DNAH14: variants seen among roughly 807,000 people sequenced by gnomAD.
DNAH14 encodes the protein dynein axonemal heavy chain 14.
DNAH14 carries 478 observed loss-of-function variants against 520.9 expected under a neutral mutation model. The ratio of observed to expected loss-of-function variants is 0.92; its 90% confidence interval spans 0.85 to 0.99. The LOEUF is 0.99. DNAH14 is among the 50% of genes least tolerant of loss of function. The pLI is 0.00. For synonymous variants in DNAH14, 1,581 were observed against 1,757.2 expected (o/e 0.90, Z 2.51); for missense variants, 4,831 against 5,234.5 (o/e 0.92, Z 2.38).
chr1:225,277,543 A>G (rs1426902445), intron 54 of DNAH14, 41 bp downstream of exon 54: 3 of 463,440 alleles, frequency 6.5e-6, no homozygotes, highest in Non-Finnish European at 4.5e-6. Flanking sequence ...AGTTTACAAA[A>G]TAAAATAAAT....
At chr1:225,216,499 T>C (rs1268817475) in intron 41 of DNAH14, among the ~76,000 whole-genome samples, 1 of 152,188 alleles carries the variant, frequency 6.6e-6, no homozygotes, top group Non-Finnish European at 1.5e-5. Context: ...TTTTCCACCT[T>C]GGTTCCATTC....
At chr1:224,949,096 TG>T (rs2060013977) in intron 1 of DNAH14, among the ~76,000 whole-genome samples, 1 of 152,310 alleles carries the variant, frequency 6.6e-6, no homozygotes, top group African/African-American at 2.4e-5. Context: ...TGTCTTTATC[TG>T]GTTAAAAAAA....
chr1:225,163,824 A>G (rs1847907), intron 35 of DNAH14, among the ~76,000 whole-genome samples: 19,443 of 151,898 alleles, frequency 0.13, 1,397 homozygotes, highest in East Asian at 0.31. Flanking sequence ...TCTTTTTTTG[A>G]TGTGTCTTTG....
chr1:225,283,128 A>G (rs2093662249), intron 54 of DNAH14, among the ~76,000 whole-genome samples: 3 of 151,980 alleles, frequency 2.0e-5, no homozygotes, highest in Non-Finnish European at 4.4e-5. Flanking sequence ...ACACAAAAGA[A>G]TGGAGAAACA....
At position 225,319,369 on chromosome 1, in the gene DNAH14, A is replaced by T. The variant is rs1293784883; in HGVS notation, c.9335+692A>T. ...TTTTTAGCTTGAGCTCCCCAACTCA[A>T]CAAACAATGGGAACCTACCTATAAC... On this transcript the variant is annotated intron_variant, in intron 61 of 85. Coordinates refer to ENST00000682510, the MANE Select transcript of DNAH14 (RefSeq NM_001367479.1). 2.6e-5 allele frequency among the ~76,000 whole-genome samples: 4 copies of T among 152,234 alleles called. No homozygotes were observed. In the East Asian group the frequency reaches 7.7e-4, roughly 29 times the overall value.
At chr1:225,158,769 G>A (rs538379270) in intron 34 of DNAH14, among the ~76,000 whole-genome samples, 1 of 152,326 alleles carries the variant, frequency 6.6e-6, no homozygotes, top group South Asian at 2.1e-4. Flanking sequence ...GAGGGTGACA[G>A]CAGTGGCAGT....
intron 17 of DNAH14, among the ~76,000 whole-genome samples, chr1:225,071,343 C>T (rs971908517): frequency 1.3e-5 from 2 of 152,122 alleles, no homozygotes; most frequent in Non-Finnish European, 2.9e-5. Context: ...TATATTAATG[C>T]TTCCTTTAGG....
At chr1:225,118,090 GC>G (rs1559013121) in intron 25 of DNAH14, 91 bp downstream of exon 25, 1 of 980,104 alleles carries the variant, frequency 1.0e-6, no homozygotes, top group Admixed American at 2.0e-5. Context: ...ATAAAAGTGC[GC>G]TAAGCAAACT....
At chr1:224,950,045 A>G (rs1334496907) in intron 1 of DNAH14, among the ~76,000 whole-genome samples, 1 of 152,140 alleles carries the variant, frequency 6.6e-6, no homozygotes, top group African/African-American at 2.4e-5. Flanking sequence ...CAAATCACTT[A>G]TGCTACCTAC....
chr1:225,207,015 G>C lies in DNAH14; in HGVS notation c.6234G>C (p.Leu2078=). ...GWEPYVKSWL[L]KTSKIISQSG... is the part of the protein sequence containing the mutation. The stretch of plus-strand genomic sequence containing the variant: ...AACCTTATGTTAAGTCATGGCTTCT[G>C]AAAACTTCTAAAATTATAAGTCAAT... Residue 2078 remains leucine (L), a synonymous_variant, in exon 41 of 86, where the codon CTG becomes CTC. Coordinates refer to ENST00000682510, the MANE Select transcript of DNAH14 (RefSeq NM_001367479.1). The C allele has an allele frequency of 1.3e-6, 2 of 1,544,324 alleles. No homozygotes were observed. Among genetic ancestry groups the C allele is most frequent in the Non-Finnish European group, 1.7e-6 (2 of 1,143,846 alleles).
chr1:225,246,919 A>G (rs144105788), intron 43 of DNAH14, among the ~76,000 whole-genome samples: 172 of 152,354 alleles, frequency 1.1e-3, no homozygotes, highest in African/African-American at 4.0e-3. Flanking sequence ...ATAAAGAAAC[A>G]TGCACACGTA....
intron 52 of DNAH14, among the ~76,000 whole-genome samples, chr1:225,274,441 G>A (rs1275382939): frequency 4.6e-5 from 7 of 151,900 alleles, no homozygotes; most frequent in Non-Finnish European, 8.8e-5. Flanking sequence ...TGATCCGCCC[G>A]CCTCGGCCTC....
intron 17 of DNAH14, among the ~76,000 whole-genome samples, chr1:225,078,910 G>T (rs1302993669): frequency 6.9e-5 from 6 of 86,366 alleles, no homozygotes; most frequent in Non-Finnish European, 2.4e-5. Flanking sequence ...CCGCTTTTCT[G>T]CCTTGGTAAG....
intron 1 of DNAH14, among the ~76,000 whole-genome samples, chr1:224,946,407 T>G (rs1284635258): frequency 6.6e-6 from 1 of 152,110 alleles, no homozygotes; most frequent in Non-Finnish European, 1.5e-5. Flanking sequence ...TTTCTTTGAC[T>G]AGGAAAGGGA....
intron 42 of DNAH14, among the ~76,000 whole-genome samples, chr1:225,233,249 A>C (rs1331798224): frequency 2.0e-5 from 3 of 152,104 alleles, no homozygotes; most frequent in Non-Finnish European, 4.4e-5. Context: ...GCTATTGTGA[A>C]TTGTGCTGCA....
chr1:225,132,985 G>GT (rs927941556), intron 27 of DNAH14, among the ~76,000 whole-genome samples: 1 of 151,892 alleles, frequency 6.6e-6, no homozygotes, highest in African/African-American at 2.4e-5. Context: ...TAATGTTGAG[G>GT]TTTTTTTCAA....
intron 41 of DNAH14, among the ~76,000 whole-genome samples, chr1:225,229,267 C>T (rs996887151): frequency 2.6e-5 from 4 of 152,032 alleles, no homozygotes; most frequent in African/African-American, 9.7e-5. Flanking sequence ...GGGACAGACT[C>T]AGCAATGCTG....
At chr1:225,056,584 T>TA (rs2069130330) in intron 17 of DNAH14, among the ~76,000 whole-genome samples, 1 of 152,250 alleles carries the variant, frequency 6.6e-6, no homozygotes, top group Non-Finnish European at 1.5e-5. Flanking sequence ...CTTTTGGTGT[T>TA]TTAGATATGA....
intron 8 of DNAH14, among the ~76,000 whole-genome samples, chr1:224,991,075 G>A (rs958406168): frequency 1.1e-4 from 14 of 122,584 alleles, no homozygotes; most frequent in African/African-American, 4.2e-4. Context: ...AATGATTAGT[G>A]ATGTTGAGCT....
Sources: allele counts gnomAD v4.1 joint callset (sites outside exome capture counted in the v4.1 genomes callset), GRCh38; gene constraint gnomAD v4.1.1; transcripts MANE v1.5; gene names NCBI Gene and HGNC (gene_info 2026-07-23, HGNC 2026-07-21).